The following KCNK5 variants were observed in gnomAD, a reference collection of about 807,000 sequenced individuals.
KCNK5 encodes the protein potassium channel subfamily K member 5.
KCNK5 carries 18 observed loss-of-function variants against 32.9 expected under a neutral mutation model. The observed-to-expected ratio is 0.55, with a 90% CI of 0.38 to 0.81. KCNK5 has a LOEUF of 0.81. Ranked by LOEUF, KCNK5 falls within the 30% of genes least tolerant of loss-of-function variation. The probability of loss-of-function intolerance (pLI) is 0.00; values close to 1 mark genes in which losing one functional copy is unlikely to be tolerated. For missense variants in KCNK5, 507 were observed against 651.0 expected, an observed-to-expected ratio of 0.78 and a Z score of 2.41; for synonymous variants, 276 against 275.3, an observed-to-expected ratio of 1.00 and a Z score of -0.03.
At chr6:39,210,162 G>A (rs1296829073) in intron 1 of KCNK5, among the ~76,000 whole-genome samples, 3 of 152,188 alleles carry the variant, frequency 2.0e-5, no homozygotes, top group Admixed American at 1.3e-4. Flanking sequence ...TCAGTGAGTG[G>A]TAACAGGGGC....
intron 1 of KCNK5, among the ~76,000 whole-genome samples, chr6:39,207,458 A>G (rs919182624): frequency 1.3e-5 from 2 of 152,162 alleles, no homozygotes; most frequent in Non-Finnish European, 2.9e-5. Context: ...GCTCCACTGG[A>G]GAAGGCAGGG....
chr6:39,199,773 AC>A (rs1211795257), intron 1 of KCNK5, among the ~76,000 whole-genome samples: 17 of 152,102 alleles, frequency 1.1e-4, no homozygotes, highest in Non-Finnish European at 2.9e-5. Flanking sequence ...GCTCAGCTCC[AC>A]CCAAGTGCTG....
intron 1 of KCNK5, among the ~76,000 whole-genome samples, chr6:39,200,150 G>A (rs1274937732): frequency 6.6e-6 from 1 of 152,224 alleles, no homozygotes; most frequent in Non-Finnish European, 1.5e-5. Flanking sequence ...TCGGGGTTAG[G>A]GAAACAGCTT....
intron 1 of KCNK5, among the ~76,000 whole-genome samples, chr6:39,226,661 T>C (rs181391751): frequency 1.3e-5 from 2 of 152,280 alleles, no homozygotes; most frequent in Non-Finnish European, 2.9e-5. Flanking sequence ...TTTTTGAGTT[T>C]TCATTTTTCC....
chr6:39,190,983 C>T lies in KCNK5; in HGVS notation c.1407G>A (p.Glu469=). The part of the protein sequence containing the change: ...LNMGEFPSSS[E]STFTSTESEL... The stretch of plus-strand genomic sequence containing the variant: ...CAGACTCAGTGCTGGTGAAGGTGGA[C>T]TCGGAGGAGGAGGGGAACTCGCCCA... The change falls in exon 5 of 5, where the codon GAG becomes GAA. Residue 469 remains glutamate (E), a synonymous_variant. Coordinates refer to ENST00000359534, the MANE Select transcript of KCNK5 (RefSeq NM_003740.4). The T allele has an allele frequency of 6.4e-7, 1 of 1,559,460 alleles. No homozygotes were observed. The highest frequency in any genetic ancestry group is 8.7e-7 in the Non-Finnish European group (1 of 1,154,526).
intron 1 of KCNK5, among the ~76,000 whole-genome samples, chr6:39,204,450 C>T (rs1771187899): frequency 6.6e-6 from 1 of 152,238 alleles, no homozygotes. Context: ...ACCTCCTCTC[C>T]ATAGCACATT....
Sources: gnomAD v4.1 joint callset for allele counts (sites outside exome capture counted in the v4.1 genomes callset) on GRCh38, gnomAD v4.1.1 for gene constraint, MANE v1.5 for transcripts, NCBI Gene and HGNC (gene_info 2026-07-23, HGNC 2026-07-21) for gene names.